Variants in ASB16 observed in about 807,000 individuals in gnomAD.
ASB16 encodes the protein ankyrin repeat and SOCS box protein 16.
Under a neutral mutation model 39.1 loss-of-function variants are expected in ASB16, and 44 were observed. The ratio of observed to expected loss-of-function variants is 1.13; its 90% CI spans 0.88 to 1.45. The LOEUF is 1.45. ASB16 is among the 40% of genes most tolerant of loss of function. The probability of loss-of-function intolerance (pLI) is 0.00; values close to 1 mark genes in which losing one functional copy is unlikely to be tolerated. For missense variants in ASB16, 698 were observed against 634.5 expected (o/e 1.10, Z -1.07); for synonymous variants, 305 against 286.7 (o/e 1.06, Z -0.64).
Position 44,177,057 on chromosome 17 carries a change from G to T in ASB16, c.889G>T (p.Gly297Trp). Residue 297 changes from glycine to tryptophan, a missense_variant, in exon 3 of 5, where the codon GGG (glycine) becomes TGG (tryptophan). Physicochemically the swap from Gly to Trp is radical, Grantham distance 184 (BLOSUM62 -2). Transcript: ENST00000293414. ...GCACAACGCTTGTGCCAACGGCTGC[G>T]GGGGCCTGGCCGAGCTGCTGCTGCG... Reference protein sequence around the residue: ...PLHNACANGCGGLAELLLRYG... With the variant: ...PLHNACANGCWGLAELLLRYG... 1 of 1,473,230 alleles carries T rather than the reference G, an allele frequency of 6.8e-7. No individual in the cohort carries two copies. The allele number at this position is 1,473,230 out of a possible 1,614,324, so 91.3% of individuals were successfully genotyped here. A position where few individuals can be genotyped will look rare whatever the true frequency, so the allele number is the denominator to read the frequency against.
At chr17:44,174,751 A>G (rs2054272291) in intron 2 of ASB16, among the ~76,000 whole-genome samples, 1 of 152,208 alleles carries the variant, frequency 6.6e-6, no homozygotes, top group Non-Finnish European at 1.5e-5. Context: ...TTTCTAAGTA[A>G]GATGAGAATC....
At chr17:44,172,809 G>A (rs975857987) in intron 2 of ASB16, among the ~76,000 whole-genome samples, 17 of 151,648 alleles carry the variant, frequency 1.1e-4, no homozygotes, top group Non-Finnish European at 2.5e-4. Flanking sequence ...TGGAGATGGG[G>A]TTTTGCCATG....
rs937846469 is a variant in ASB16, at chr17:44,177,209, G to A, written c.1041G>A (p.Gly347=). 4 of 1,541,562 alleles carry A rather than the reference G, an allele frequency of 2.6e-6. No homozygotes were observed. Among genetic ancestry groups the A allele is most frequent in the Admixed American group, 2.0e-5 (1 of 49,120 alleles). Residue 347 remains glycine (G), a synonymous_variant, in exon 3 of 5, where the codon GGG becomes GGA. Transcript: ENST00000293414. ...EVLFAALLDY[G]AQPVRPEMLK... is the part of the protein sequence containing the mutation. ...TTTTCGCCGCACTGCTGGACTACGG[G>A]GCGCAGCCAGTGCGCCCTGAGGTGC...
chr17:44,176,222 GTGCTGCCC>G, intron 2 of ASB16: 3 of 162,662 alleles, frequency 1.8e-5, no homozygotes, highest in South Asian at 1.6e-4. Flanking sequence ...GCCAGGTGTG[GTGCTGCCC>G]ACCTGTGGTC....
At position 44,170,969 on chromosome 17, in the gene ASB16, T is replaced by C; in HGVS notation, c.180T>C (p.Ala60=). ...TRPHRSCRDP[A]VHQALFSGNL... The stretch of plus-strand genomic sequence containing the variant: ...CTCACCGTTCCTGCCGAGACCCAGC[T>C]GTCCACCAAGCCCTCTTCTCCGGCA... Residue 60 remains alanine (A), a synonymous_variant, in exon 1 of 5, where the codon GCT becomes GCC. Transcript: ENST00000293414. The C allele has an allele frequency of 6.2e-7, 1 of 1,613,918 alleles. No homozygotes were observed. The highest frequency in any genetic ancestry group is 8.5e-7 in the Non-Finnish European group (1 of 1,180,006).
In ASB16 at chr17:44,177,593, C is replaced by G. The variant is rs2054317533; in HGVS notation, c.1063-16C>G. 6.2e-7 allele frequency: 1 copy of G among 1,611,858 alleles called. No homozygotes were observed. Among genetic ancestry groups the G allele is most frequent in the Non-Finnish European group, 8.5e-7 (1 of 1,178,702 alleles). ...GTGGGGGAGGCATGTGCCCAAGACC[C>G]TCTTTTGACCCCTAGATGCTGAAAC... On this transcript the variant is annotated splice_polypyrimidine_tract_variant and intron_variant, in intron 3 of 4. Coordinates refer to ENST00000293414, the MANE Select transcript of ASB16 (RefSeq NM_080863.5).
At chr17:44,175,210 T>G (rs1004367967) in intron 2 of ASB16, among the ~76,000 whole-genome samples, 3 of 150,728 alleles carry the variant, frequency 2.0e-5, no homozygotes. Flanking sequence ...CCATCCTGGC[T>G]AACACGGTGA....
Position 44,177,701 on chromosome 17 carries a change from G to A in ASB16, c.1155G>A (p.Ala385=), listed in dbSNP as rs141164758. 9.9e-6 allele frequency: 16 copies of A among 1,613,670 alleles called. 1 individual carries two copies. Among genetic ancestry groups the A allele is most frequent in the South Asian group, 7.7e-5 (7 of 91,078 alleles). The change falls in exon 4 of 5, where the codon GCG becomes GCA. Residue 385 remains alanine (A), a synonymous_variant. Coordinates refer to ENST00000293414, the MANE Select transcript of ASB16 (RefSeq NM_080863.5). Reference sequence around the variant, plus strand: ...CATCCTGTGAGACCTGGGTGGAGGCGGTGCTCCCAGAGCTGTGGAAGGTAT... The same window carrying A: ...CATCCTGTGAGACCTGGGTGGAGGCAGTGCTCCCAGAGCTGTGGAAGGTAT... ...CVPSCETWVE[A]VLPELWKEHE... is the part of the protein sequence containing the mutation.
Position 44,177,680 on chromosome 17 carries a change from C to T in ASB16, c.1134C>T (p.Ser378=). The change falls in exon 4 of 5, where the codon TCC becomes TCT. Residue 378 remains serine, a synonymous_variant. Transcript: ENST00000293414. ...VLLNAYPCVP[S]CETWVEAVLP... ...TTAATGCCTATCCTTGTGTCCCATC[C>T]TGTGAGACCTGGGTGGAGGCGGTGC... 1 of 1,613,936 alleles carries T rather than the reference C, an allele frequency of 6.2e-7. No homozygotes were observed. The highest frequency in any genetic ancestry group is 8.5e-7 in the Non-Finnish European group (1 of 1,179,852).
chr17:44,177,236 C>T lies in ASB16; in HGVS notation c.1062+6C>T. 6.5e-7 allele frequency: 1 copy of T among 1,530,670 alleles called. No homozygotes were observed. Among genetic ancestry groups the T allele is most frequent in the Non-Finnish European group, 8.8e-7 (1 of 1,139,716 alleles). 94.8% of individuals were successfully genotyped at this position (1,530,670 alleles called of 1,614,324 possible). A position where few individuals can be genotyped will look rare whatever the true frequency, so the allele number is the denominator to read the frequency against. The stretch of plus-strand genomic sequence containing the variant: ...CGCAGCCAGTGCGCCCTGAGGTGCG[C>T]TGGGAGGCCCTGACATAGGAGGCTC... On this transcript the variant is annotated splice_donor_region_variant and intron_variant, in intron 3 of 4. Coordinates refer to ENST00000293414, the MANE Select transcript of ASB16 (RefSeq NM_080863.5).
Position 44,176,931 on chromosome 17 carries a change from G to C in ASB16, c.763G>C (p.Glu255Gln), listed in dbSNP as rs762340517. ...TALNTACAGA[E>Q]GPGSCRRHQA... The stretch of plus-strand genomic sequence containing the variant: ...GCTGAACACGGCGTGCGCTGGGGCC[G>C]AGGGCCCAGGTAGCTGCAGGCGACA... Residue 255 changes from glutamate to glutamine, a missense_variant, in exon 3 of 5, where the codon GAG (glutamate) becomes CAG (glutamine). Coordinates refer to ENST00000293414, the MANE Select transcript of ASB16 (RefSeq NM_080863.5). The C allele has an allele frequency of 3.3e-6, 5 of 1,536,120 alleles. No homozygotes were observed. In the Admixed American group the frequency reaches 8.4e-5, roughly 26 times the overall value.
Position 44,175,005 on chromosome 17 carries a change from G to A in ASB16, c.570-1733G>A, listed in dbSNP as rs537740237. Among the ~76,000 whole-genome samples the A allele has an allele frequency of 1.1e-4, 17 of 151,878 alleles. No homozygotes were observed. The East Asian group carries it at 3.3e-3, about 29-fold the overall frequency. ...CAGTCCCAGCTACTCAGGAGGCTGA[G>A]GCAGAAGAATTGCTTCAACCCAGGA... On this transcript the variant is annotated intron_variant, in intron 2 of 4. Coordinates refer to ENST00000293414, the MANE Select transcript of ASB16 (RefSeq NM_080863.5).
intron 2 of ASB16, among the ~76,000 whole-genome samples, chr17:44,175,139 C>T (rs942719377): frequency 6.7e-6 from 1 of 148,700 alleles, no homozygotes; most frequent in Non-Finnish European, 1.5e-5. Flanking sequence ...GTGGCTCACA[C>T]CTGTAATCCC....
chr17:44,171,389 C>A (rs1310965108), intron 1 of ASB16, among the ~76,000 whole-genome samples: 2 of 151,922 alleles, frequency 1.3e-5, no homozygotes, highest in Admixed American at 1.3e-4. Flanking sequence ...CATGGTAAAA[C>A]CCCATCTCTA....
In ASB16 at chr17:44,178,309, C is replaced by T; in HGVS notation, c.1281C>T (p.Cys427=). 2 of 1,612,186 alleles carry T rather than the reference C, an allele frequency of 1.2e-6. No homozygotes were observed. Among genetic ancestry groups the T allele is most frequent in the Non-Finnish European group, 1.7e-6 (2 of 1,179,610 alleles). ...LAVRARLGSR[C]RQGATRLPLP... ...TGCGCGCTCGGTTGGGAAGCCGCTGCCGGCAGGGTGCCACCCGGCTGCCAC... is the reference window on the plus strand; with the variant it reads ...TGCGCGCTCGGTTGGGAAGCCGCTGTCGGCAGGGTGCCACCCGGCTGCCAC... The change falls in exon 5 of 5, where the codon TGC becomes TGT. Residue 427 remains cysteine (C), a synonymous_variant. Coordinates refer to ENST00000293414, the MANE Select transcript of ASB16 (RefSeq NM_080863.5).
At chr17:44,174,196 C>T (rs936742060) in intron 2 of ASB16, among the ~76,000 whole-genome samples, 13 of 151,890 alleles carry the variant, frequency 8.6e-5, no homozygotes, top group Middle Eastern at 3.2e-3. Flanking sequence ...CCCGCCAACA[C>T]GCCCGGCTAA....
chr17:44,172,262 C>T lies in ASB16; in HGVS notation c.518C>T (p.Thr173Ile). 6.2e-7 allele frequency: 1 copy of T among 1,613,810 alleles called. No individual in the cohort carries two copies. Among genetic ancestry groups the T allele is most frequent in the Non-Finnish European group, 8.5e-7 (1 of 1,180,032 alleles). Residue 173 changes from threonine (T) to isoleucine (I), a missense_variant, in exon 2 of 5, where the codon ACT becomes ATT. By Grantham distance (89) the Thr-to-Ile change is moderately conservative (BLOSUM62 -1). Coordinates refer to ENST00000293414, the MANE Select transcript of ASB16 (RefSeq NM_080863.5). Reference protein sequence around the residue: ...LTFGAKANVLTEEGTTPLHLC... With the variant: ...LTFGAKANVLIEEGTTPLHLC... The stretch of plus-strand genomic sequence containing the variant: ...TTCGGAGCCAAGGCTAATGTGCTGA[C>T]TGAGGAGGGCACGACTCCTTTGCAC...
In ASB16 at chr17:44,170,974, A is replaced by G. The variant is rs776085869; in HGVS notation, c.185A>G (p.His62Arg). ...CGTTCCTGCCGAGACCCAGCTGTCC[A>G]CCAAGCCCTCTTCTCCGGCAACCTG... ...PHRSCRDPAV[H>R]QALFSGNLQQ... The change falls in exon 1 of 5, where the codon CAC becomes CGC. Residue 62 changes from histidine (H) to arginine (R), a missense_variant. Transcript: ENST00000293414. 6.2e-7 allele frequency: 1 copy of G among 1,613,924 alleles called. No homozygotes were observed. The highest frequency in any genetic ancestry group is 8.5e-7 in the Non-Finnish European group (1 of 1,180,010).
intron 2 of ASB16, 100 bp downstream of exon 2, chr17:44,172,413 G>A: frequency 1.4e-6 from 2 of 1,414,238 alleles, no homozygotes; most frequent in Admixed American, 2.0e-5. Flanking sequence ...ATGCAGCTTT[G>A]TGGTTCATAA....
Sources: allele counts gnomAD v4.1 joint callset (sites outside exome capture counted in the v4.1 genomes callset), GRCh38; gene constraint gnomAD v4.1.1; transcripts MANE v1.5; gene names NCBI Gene and HGNC (gene_info 2026-07-23, HGNC 2026-07-21).